The following LRP1B variants were observed in gnomAD, a reference collection of about 807,000 sequenced individuals.
LRP1B encodes low-density lipoprotein receptor-related protein 1B.
Under a neutral mutation model 556.6 loss-of-function variants are expected in LRP1B, and 217 were observed. That is an observed-to-expected ratio of 0.39 (90% confidence interval 0.35 to 0.44). The LOEUF is 0.44. LRP1B is among the 20% of genes least tolerant of loss of function. The pLI is 1.00. For missense variants in LRP1B, 5,053 were observed against 5,620.8 expected (o/e 0.90, Z 3.23); for synonymous variants, 2,047 against 1,865.8 (o/e 1.10, Z -2.50).
At chr2:140,751,138 G>A (rs969539992) in intron 35 of LRP1B, among the ~76,000 whole-genome samples, 2 of 151,550 alleles carry the variant, frequency 1.3e-5, no homozygotes, top group East Asian at 2.0e-4. Context: ...GATTACAGGC[G>A]CCTGCCATCA....
At chr2:140,466,794 C>T (rs1419143553) in intron 60 of LRP1B, among the ~76,000 whole-genome samples, 7 of 152,108 alleles carry the variant, frequency 4.6e-5, no homozygotes, top group Admixed American at 1.3e-4. Context: ...CAAGGTCAAA[C>T]GTAACTTTTT....
intron 1 of LRP1B, among the ~76,000 whole-genome samples, chr2:141,837,593 A>T (rs1023978484): frequency 9.2e-5 from 14 of 152,078 alleles, no homozygotes; most frequent in Non-Finnish European, 1.5e-4. Flanking sequence ...TGGCTTTTGT[A>T]GTCATAAACT....
At chr2:140,922,460 C>T (rs945085058) in intron 21 of LRP1B, among the ~76,000 whole-genome samples, 4 of 151,910 alleles carry the variant, frequency 2.6e-5, no homozygotes, top group Admixed American at 6.6e-5. Flanking sequence ...AGTACAGTAA[C>T]ATTTAGGAAA....
chr2:140,232,172 A>T lies in LRP1B; in HGVS notation c.*1014T>A, dbSNP rs1199316953. The T allele has an allele frequency of 6.8e-6, 1 of 147,996 alleles. No homozygotes were observed. The highest frequency in any genetic ancestry group is 2.0e-4 in the East Asian group (1 of 4,954). 9.2% of individuals were successfully genotyped at this position (147,996 alleles called of 1,614,324 possible). A position where few individuals can be genotyped will look rare whatever the true frequency, so the allele number is the denominator to read the frequency against. ...TAAATCTTGAAAATATTTGCCAATC[A>T]CTCTGTATACTAAAATGTCTGCTTT... On this transcript the variant is annotated 3_prime_UTR_variant, in exon 91 of 91. Transcript: ENST00000389484.
intron 1 of LRP1B, among the ~76,000 whole-genome samples, chr2:141,855,367 T>C (rs1426963768): frequency 1.3e-5 from 2 of 152,146 alleles, no homozygotes; most frequent in Non-Finnish European, 2.9e-5. Context: ...AGGGATGATC[T>C]GCTTGGCATA....
At chr2:141,921,160 T>C (rs1700175328) in intron 1 of LRP1B, among the ~76,000 whole-genome samples, 1 of 152,058 alleles carries the variant, frequency 6.6e-6, no homozygotes, top group Admixed American at 6.6e-5. Context: ...CAATTTCTCA[T>C]CCTTGTAAGA....
chr2:140,381,520 G>C (rs111615169), intron 67 of LRP1B, among the ~76,000 whole-genome samples: 9 of 152,060 alleles, frequency 5.9e-5, no homozygotes, highest in African/African-American at 2.2e-4. Flanking sequence ...GCTTTTGCAG[G>C]GTATGTTTTC....
intron 2 of LRP1B, among the ~76,000 whole-genome samples, chr2:141,588,628 T>C (rs964984917): frequency 1.3e-5 from 2 of 152,130 alleles, no homozygotes; most frequent in Non-Finnish European, 2.9e-5. Flanking sequence ...AAAAATTGGC[T>C]CTCCAAATTC....
At chr2:140,444,751 C>T (rs1445649262) in intron 63 of LRP1B, 72 bp from the exon 64 acceptor site, 4 of 870,842 alleles carry the variant, frequency 4.6e-6, no homozygotes, top group East Asian at 4.9e-5. Flanking sequence ...GAGTTTCTGA[C>T]ATTCAAGATA....
chr2:140,307,887 A>G (rs980021238), intron 83 of LRP1B, among the ~76,000 whole-genome samples: 1 of 151,878 alleles, frequency 6.6e-6, no homozygotes, highest in Non-Finnish European at 1.5e-5. Flanking sequence ...TAAACATCAT[A>G]GAGTAATAAA....
At chr2:141,592,568 G>T (rs954187915) in intron 2 of LRP1B, among the ~76,000 whole-genome samples, 4 of 152,078 alleles carry the variant, frequency 2.6e-5, no homozygotes, top group Non-Finnish European at 5.9e-5. Flanking sequence ...TCCGAAAATA[G>T]CCAGACTCTC....
chr2:141,918,286 C>T (rs1472600067), intron 1 of LRP1B, among the ~76,000 whole-genome samples: 2 of 151,720 alleles, frequency 1.3e-5, no homozygotes, highest in Non-Finnish European at 2.9e-5. Flanking sequence ...TGAACATGTG[C>T]TACCTAAAAA....
At chr2:140,403,031 T>C (rs1684574749) in intron 66 of LRP1B, among the ~76,000 whole-genome samples, 1 of 152,038 alleles carries the variant, frequency 6.6e-6, no homozygotes, top group African/African-American at 2.4e-5. Context: ...AAGGAACTCA[T>C]ACAGTCTTCA....
intron 2 of LRP1B, among the ~76,000 whole-genome samples, chr2:141,801,401 G>T (rs1696001050): frequency 6.6e-6 from 1 of 152,008 alleles, no homozygotes; most frequent in African/African-American, 2.4e-5. Context: ...TAATCCTCTT[G>T]CCTTGGCTTC....
At chr2:140,709,659 GT>G (rs1686964771) in intron 37 of LRP1B, among the ~76,000 whole-genome samples, 1 of 152,048 alleles carries the variant, frequency 6.6e-6, no homozygotes, top group African/African-American at 2.4e-5. Context: ...TTCAAGGCAT[GT>G]TTTTACTTTG....
At chr2:141,410,910 C>T (rs1444090279) in intron 3 of LRP1B, among the ~76,000 whole-genome samples, 6 of 151,862 alleles carry the variant, frequency 4.0e-5, no homozygotes, top group African/African-American at 1.4e-4. Context: ...GGGTATGGTG[C>T]TCCTATTCTT....
At chr2:141,176,038 G>C (rs1680719709) in intron 7 of LRP1B, among the ~76,000 whole-genome samples, 1 of 152,082 alleles carries the variant, frequency 6.6e-6, no homozygotes, top group South Asian at 2.1e-4. Context: ...TCTCTCTTTT[G>C]GAGTGGTGGC....
intron 1 of LRP1B, among the ~76,000 whole-genome samples, chr2:141,831,129 CTTCAT>C (rs1697099663): frequency 6.6e-6 from 1 of 151,696 alleles, no homozygotes; most frequent in Non-Finnish European, 1.5e-5. Flanking sequence ...CTTTCACCTA[CTTCAT>C]TTATCCATCT....
chr2:141,496,225 G>A (rs968768073), intron 2 of LRP1B, among the ~76,000 whole-genome samples: 1 of 151,454 alleles, frequency 6.6e-6, no homozygotes, highest in African/African-American at 2.4e-5. Flanking sequence ...GTATGTATGT[G>A]TCATAATAAA....
Sources: allele counts gnomAD v4.1 joint callset (sites outside exome capture counted in the v4.1 genomes callset), GRCh38; gene constraint gnomAD v4.1.1; transcripts MANE v1.5; gene names NCBI Gene and HGNC (gene_info 2026-07-23, HGNC 2026-07-21).